C18orf32: variants seen among roughly 807,000 people sequenced by gnomAD.
The protein encoded by C18orf32 is UPF0729 protein C18orf32.
A neutral mutation model predicts 7.4 loss-of-function variants in C18orf32; 5 were observed. The ratio of observed to expected loss-of-function variants is 0.68; its 90% CI spans 0.35 to 1.42. The LOEUF (loss-of-function observed/expected upper bound fraction) is 1.42, where lower values mean the gene tolerates loss of function less well. Ranked by LOEUF, C18orf32 falls within the 40% of genes most tolerant of loss-of-function variation. C18orf32 has a pLI of 0.04. For missense variants in C18orf32, 88 were observed against 92.4 expected (o/e 0.95, Z 0.19); for synonymous variants, 30 against 29.3 (o/e 1.02, Z -0.08).
At position 49,481,112 on chromosome 18, in the gene C18orf32, G is replaced by GT. The variant is rs1297741185; in HGVS notation, c.*1232dup. 2 of 152,240 alleles carry GT rather than the reference G, an allele frequency of 1.3e-5. No individual in the cohort carries two copies. Among genetic ancestry groups the GT allele is most frequent in the East Asian group, 3.9e-4 (2 of 5,186 alleles). The allele number at this position is 152,240 out of a possible 1,614,324, so 9.4% of individuals were successfully genotyped here. A position where few individuals can be genotyped will look rare whatever the true frequency, so the allele number is the denominator to read the frequency against. ...ATAATAGTATTTATACCTTAAAAAA[G>GT]TTTATTTGCTAATGAGAATTTATCT... On this transcript the variant is annotated 3_prime_UTR_variant, in exon 3 of 3. Transcript: ENST00000318240.
chr18:49,486,028 G>C (rs1291275894), intron 1 of C18orf32: 2 of 149,312 alleles, frequency 1.3e-5, no homozygotes, highest in Non-Finnish European at 2.9e-5. Flanking sequence ...ACTGCCGTGA[G>C]CTATGATGGC....
In C18orf32 at chr18:49,483,768, T is replaced by A; in HGVS notation, c.-20A>T. On this transcript the variant is annotated 5_prime_UTR_variant, in exon 2 of 3. Coordinates refer to ENST00000318240, the MANE Select transcript of C18orf32 (RefSeq NM_001035005.4). ...CACCATTTTCCCAAGCTTGAGCTCC[T>A]CAACTGTTGATATATGTGAAGAAAA... 2 of 1,598,608 alleles carry A rather than the reference T, an allele frequency of 1.3e-6. No individual in the cohort carries two copies. The highest frequency in any genetic ancestry group is 1.7e-6 in the Non-Finnish European group (2 of 1,176,754).
At chr18:49,483,055 T>A (rs937654882) in intron 2 of C18orf32, among the ~76,000 whole-genome samples, 1 of 151,892 alleles carries the variant, frequency 6.6e-6, no homozygotes, top group Admixed American at 6.6e-5. Flanking sequence ...CATCTTGACC[T>A]CCCCAAGTGC....
chr18:49,483,774 G>A lies in C18orf32; in HGVS notation c.-23-3C>T, dbSNP rs200854465. On this transcript the variant is annotated splice_region_variant and splice_polypyrimidine_tract_variant and intron_variant, in intron 1 of 2. Transcript: ENST00000318240. The stretch of plus-strand genomic sequence containing the variant: ...TTTCCCAAGCTTGAGCTCCTCAACT[G>A]TTGATATATGTGAAGAAAAAAATTA... The A allele has an allele frequency of 1.7e-4, 262 of 1,586,198 alleles. No individual in the cohort carries two copies. The highest frequency in any genetic ancestry group is 2.2e-4 in the Admixed American group (11 of 49,422).
chr18:49,484,183 C>T (rs1201814267), intron 1 of C18orf32, among the ~76,000 whole-genome samples: 1 of 142,882 alleles, frequency 7.0e-6, no homozygotes, highest in Non-Finnish European at 1.5e-5. Context: ...CACACACACA[C>T]ACACACACAC....
At chr18:49,483,562 C>T (rs1392626259) in intron 2 of C18orf32, 22 bp downstream of exon 2, 3 of 1,569,196 alleles carry the variant, frequency 1.9e-6, no homozygotes, top group South Asian at 2.4e-5. Context: ...TGCTCTTATT[C>T]AAGGCATGTG....
In C18orf32 at chr18:49,479,723, C is replaced by T. The variant is rs2083645734; in HGVS notation, c.*2622G>A. ...AGAGAGAGGGCCAAGGGAATAAACA[C>T]TCTGCCTTCATTCTCCTCCCTCCAG... On this transcript the variant is annotated 3_prime_UTR_variant, in exon 3 of 3. Transcript: ENST00000318240. 6.6e-6 allele frequency: 1 copy of T among 152,338 alleles called. No homozygotes were observed. Among genetic ancestry groups the T allele is most frequent in the Non-Finnish European group, 1.5e-5 (1 of 68,128 alleles). The allele number at this position is 152,338 out of a possible 1,614,324, so 9.4% of individuals were successfully genotyped here.
In C18orf32 at chr18:49,477,885, T is replaced by C. The variant is rs1269479108; in HGVS notation, c.*4460A>G. 1 of 40,646 alleles carries C rather than the reference T, an allele frequency of 2.5e-5. No homozygotes were observed. The highest frequency in any genetic ancestry group is 3.0e-4 in the Admixed American group (1 of 3,316). The allele number at this position is 40,646 out of a possible 1,614,324, so 2.5% of individuals were successfully genotyped here. ...ATATACACACTATATATATACACTA[T>C]ATATATATACACTATATGTATATAC... On this transcript the variant is annotated 3_prime_UTR_variant, in exon 3 of 3. Transcript: ENST00000318240.
intron 1 of C18orf32, chr18:49,484,866 T>A (rs1456511835): frequency 1.3e-5 from 2 of 152,084 alleles, no homozygotes; most frequent in Admixed American, 6.6e-5. Context: ...GCAGATCACC[T>A]GAGGTCAGGA....
rs1158530909 is a variant in C18orf32 at position 49,479,028 on chromosome 18, CCCTAT to C, written c.*3312_*3316del. ...AAGTTGGCAATTGCATACTAGCCAC[CCCTAT>C]CCTGCTTTTAAAATGTTGCTAGTAT... On this transcript the variant is annotated 3_prime_UTR_variant, in exon 3 of 3. Coordinates refer to ENST00000318240, the MANE Select transcript of C18orf32 (RefSeq NM_001035005.4). The C allele has an allele frequency of 1.3e-5, 2 of 152,094 alleles. No homozygotes were observed. The highest frequency in any genetic ancestry group is 2.4e-5 in the African/African-American group (1 of 41,398). The allele number at this position is 152,094 out of a possible 1,614,324, so 9.4% of individuals were successfully genotyped here.
intron 1 of C18orf32, 95 bp downstream of exon 1, chr18:49,486,948 G>A (rs980472300): frequency 1.4e-5 from 2 of 148,012 alleles, no homozygotes; most frequent in East Asian, 2.0e-4. Flanking sequence ...GCAAATGCAA[G>A]CTCCGAGGGC....
rs2083649949 is a variant in C18orf32, at chr18:49,480,231, T to G, written c.*2114A>C. 1.3e-5 allele frequency: 2 copies of G among 152,874 alleles called. No homozygotes were observed. Among genetic ancestry groups the G allele is most frequent in the African/African-American group, 4.8e-5 (2 of 41,410 alleles). The allele number at this position is 152,874 out of a possible 1,614,324, so 9.5% of individuals were successfully genotyped here. On this transcript the variant is annotated 3_prime_UTR_variant, in exon 3 of 3. Coordinates refer to ENST00000318240, the MANE Select transcript of C18orf32 (RefSeq NM_001035005.4). ...AATTCAGGAGGCTGAGGTGGGAGGATCACTTGAGCCCAGGAGTTGGAGGCT... is the reference window on the plus strand; with the variant it reads ...AATTCAGGAGGCTGAGGTGGGAGGAGCACTTGAGCCCAGGAGTTGGAGGCT...
chr18:49,482,792 GTCTC>G (rs201534462), intron 2 of C18orf32, among the ~76,000 whole-genome samples: 5 of 134,468 alleles, frequency 3.7e-5, no homozygotes, highest in South Asian at 4.6e-4. Context: ...GAGACATTCT[GTCTC>G]TCTCTTTTTT....
intron 1 of C18orf32, 71 bp from the exon 2 acceptor site, chr18:49,483,842 G>A (rs2083698402): frequency 1.8e-5 from 27 of 1,536,624 alleles, no homozygotes; most frequent in Non-Finnish European, 2.2e-5. Context: ...CCAAGATTAA[G>A]ATATCTGAAA....
chr18:49,483,377 C>T (rs1466527219), intron 2 of C18orf32, among the ~76,000 whole-genome samples: 3 of 152,172 alleles, frequency 2.0e-5, no homozygotes, highest in African/African-American at 7.2e-5. Context: ...TTTACCATTG[C>T]ACTTACCAGT....
At chr18:49,482,800 CTTT>C (rs11454920) in intron 2 of C18orf32, among the ~76,000 whole-genome samples, 2 of 130,184 alleles carry the variant, frequency 1.5e-5, no homozygotes, top group African/African-American at 2.9e-5. Flanking sequence ...CTGTCTCTCT[CTTT>C]TTTTTTTTTT....
chr18:49,480,695 C>A lies in C18orf32; in HGVS notation c.*1650G>T, dbSNP rs944628474. On this transcript the variant is annotated 3_prime_UTR_variant, in exon 3 of 3. Transcript: ENST00000318240. Reference sequence around the variant, plus strand: ...CTAAGGTGAGAGGATCACTTCAGGACTGCAGGTCGAGGCCATAGAGAGCCG... The same window carrying A: ...CTAAGGTGAGAGGATCACTTCAGGAATGCAGGTCGAGGCCATAGAGAGCCG... 1 of 152,216 alleles carries A rather than the reference C, an allele frequency of 6.6e-6. No homozygotes were observed. Among genetic ancestry groups the A allele is most frequent in the African/African-American group, 2.4e-5 (1 of 41,458 alleles). The allele number at this position is 152,216 out of a possible 1,614,324, so 9.4% of individuals were successfully genotyped here.
Position 49,480,834 on chromosome 18 carries a change from TAGA to T in C18orf32, c.*1508_*1510del, listed in dbSNP as rs980333632. ...AACAAATTAATTTTCAAAAAGTTGC[TAGA>T]AGGTTACACACAAAATCAACTGGGG... On this transcript the variant is annotated 3_prime_UTR_variant, in exon 3 of 3. Coordinates refer to ENST00000318240, the MANE Select transcript of C18orf32 (RefSeq NM_001035005.4). 1.8e-4 allele frequency: 28 copies of T among 152,144 alleles called. No homozygotes were observed. The highest frequency in any genetic ancestry group is 6.8e-4 in the African/African-American group (28 of 41,426). The allele number at this position is 152,144 out of a possible 1,614,324, so 9.4% of individuals were successfully genotyped here.
chr18:49,485,485 C>T (rs1035951720), intron 1 of C18orf32, among the ~76,000 whole-genome samples: 4 of 150,816 alleles, frequency 2.7e-5, no homozygotes, highest in Non-Finnish European at 5.9e-5. Context: ...ACCTGGGAGG[C>T]GGAAGTCGCA....
Sources: allele counts gnomAD v4.1 joint callset (sites outside exome capture counted in the v4.1 genomes callset), GRCh38; gene constraint gnomAD v4.1.1; transcripts MANE v1.5; gene names NCBI Gene and HGNC (gene_info 2026-07-23, HGNC 2026-07-21).